Variants in SLC9A9 observed in about 807,000 individuals in gnomAD.
SLC9A9 encodes solute carrier family 9 member A9.
SLC9A9 carries 62 observed loss-of-function variants against 77.8 expected under a neutral mutation model. The ratio of observed to expected loss-of-function variants is 0.80; its 90% CI spans 0.65 to 0.98. The LOEUF is 0.98. Among genes scored for constraint, SLC9A9 ranks in the 50% least tolerant of loss-of-function variants. SLC9A9 has a pLI of 0.00. For synonymous variants in SLC9A9, 320 were observed against 283.5 expected (o/e 1.13, Z -1.29); for missense variants, 775 against 774.9 (o/e 1.00, Z 0.00).
At chr3:143,472,874 C>T (rs2035401793) in intron 11 of SLC9A9, among the ~76,000 whole-genome samples, 1 of 152,204 alleles carries the variant, frequency 6.6e-6, no homozygotes. Flanking sequence ...TCCTTTAAAA[C>T]CTTATTTTGA....
chr3:143,325,465 T>C (rs2031564288), intron 14 of SLC9A9, among the ~76,000 whole-genome samples: 1 of 152,240 alleles, frequency 6.6e-6, no homozygotes, highest in African/African-American at 2.4e-5. Flanking sequence ...GACTGGGTTT[T>C]ATTTTGGTAG....
At chr3:143,415,398 C>CT (rs1559906059) in intron 12 of SLC9A9, among the ~76,000 whole-genome samples, 2 of 152,176 alleles carry the variant, frequency 1.3e-5, no homozygotes, top group African/African-American at 4.8e-5. Flanking sequence ...GGCTGATTCT[C>CT]TTGTGAGGGG....
At chr3:143,526,177 A>C (rs956882270) in intron 9 of SLC9A9, among the ~76,000 whole-genome samples, 65 of 152,174 alleles carry the variant, frequency 4.3e-4, no homozygotes. Flanking sequence ...AAACCCTCAA[A>C]CCACAGTCAC....
At chr3:143,730,041 A>T (rs1172695116) in intron 4 of SLC9A9, among the ~76,000 whole-genome samples, 1 of 152,204 alleles carries the variant, frequency 6.6e-6, no homozygotes, top group African/African-American at 2.4e-5. Context: ...TTGTTCTCCA[A>T]ACCATATCAC....
At chr3:143,410,423 C>T (rs1032536301) in intron 12 of SLC9A9, among the ~76,000 whole-genome samples, 1 of 152,164 alleles carries the variant, frequency 6.6e-6, no homozygotes, top group East Asian at 1.9e-4. Context: ...TCTCCATTCT[C>T]TCATATATTA....
intron 6 of SLC9A9, among the ~76,000 whole-genome samples, chr3:143,613,786 G>A (rs947773881): frequency 2.0e-5 from 3 of 150,194 alleles, no homozygotes; most frequent in Non-Finnish European, 4.4e-5. Context: ...ATACCACATT[G>A]CAATAATTAT....
intron 4 of SLC9A9, among the ~76,000 whole-genome samples, chr3:143,721,863 A>G (rs938874404): frequency 1.3e-5 from 2 of 152,320 alleles, no homozygotes; most frequent in East Asian, 1.9e-4. Flanking sequence ...TTGTAGTCCA[A>G]TGGACATCAG....
At chr3:143,579,302 T>C (rs1327743980) in intron 6 of SLC9A9, among the ~76,000 whole-genome samples, 4 of 152,164 alleles carry the variant, frequency 2.6e-5, no homozygotes. Flanking sequence ...ACCCTCATTT[T>C]CCCACCAAAA....
At chr3:143,438,817 C>T (rs76144980) in intron 12 of SLC9A9, among the ~76,000 whole-genome samples, 5,276 of 152,166 alleles carry the variant, frequency 0.035, 324 homozygotes, top group African/African-American at 0.12. Flanking sequence ...ACCTCAGCTG[C>T]CTATGCTGCC....
chr3:143,470,168 T>C (rs943647388), intron 11 of SLC9A9, among the ~76,000 whole-genome samples: 5 of 152,018 alleles, frequency 3.3e-5, no homozygotes, highest in African/African-American at 1.2e-4. Flanking sequence ...TAGTACAAGA[T>C]TGGAGATAGA....
intron 11 of SLC9A9, among the ~76,000 whole-genome samples, chr3:143,470,264 A>G (rs543223799): frequency 1.3e-5 from 2 of 152,160 alleles, no homozygotes; most frequent in East Asian, 3.9e-4. Flanking sequence ...GGATTACCTG[A>G]GGTCAGGAAT....
intron 9 of SLC9A9, among the ~76,000 whole-genome samples, chr3:143,522,921 C>T (rs1165637113): frequency 6.6e-6 from 1 of 152,124 alleles, no homozygotes; most frequent in Non-Finnish European, 1.5e-5. Context: ...ACAGGGTCTG[C>T]TAAGTATCTC....
intron 12 of SLC9A9, among the ~76,000 whole-genome samples, chr3:143,405,956 C>G (rs2033968066): frequency 6.6e-6 from 1 of 152,196 alleles, no homozygotes; most frequent in South Asian, 2.1e-4. Flanking sequence ...ATAATTTTCA[C>G]TGGTTTAAAT....
At chr3:143,431,211 T>C (rs1442694746) in intron 12 of SLC9A9, among the ~76,000 whole-genome samples, 1 of 152,142 alleles carries the variant, frequency 6.6e-6, no homozygotes, top group Non-Finnish European at 1.5e-5. Flanking sequence ...TTTCCTTCAA[T>C]TCACAAGTCA....
At chr3:143,717,734 C>T (rs1934391752) in intron 4 of SLC9A9, among the ~76,000 whole-genome samples, 1 of 152,174 alleles carries the variant, frequency 6.6e-6, no homozygotes, top group South Asian at 2.1e-4. Context: ...AACCAAGATG[C>T]ACCCCATTTG....
chr3:143,506,714 T>C lies in SLC9A9; in HGVS notation c.1090-11266A>G, dbSNP rs370296448. Among the ~76,000 whole-genome samples the C allele has an allele frequency of 2.2e-4, 34 of 152,244 alleles. No individual in the cohort carries two copies. The East Asian group carries it at 5.8e-3, about 26-fold the overall frequency. On this transcript the variant is annotated intron_variant, in intron 9 of 15. Coordinates refer to ENST00000316549, the MANE Select transcript of SLC9A9 (RefSeq NM_173653.4). ...CTTTTGGAGGACACTTATTTGAATGTAATGCTGGTTACATTCAAACAAGTG... is the reference window on the plus strand; with the variant it reads ...CTTTTGGAGGACACTTATTTGAATGCAATGCTGGTTACATTCAAACAAGTG...
At chr3:143,428,521 T>G (rs780705058) in intron 12 of SLC9A9, among the ~76,000 whole-genome samples, 2 of 152,190 alleles carry the variant, frequency 1.3e-5, no homozygotes, top group Non-Finnish European at 2.9e-5. Context: ...TGGAAAATAG[T>G]ATGAAGGTCT....
At chr3:143,818,383 T>G (rs2009075711) in intron 2 of SLC9A9, among the ~76,000 whole-genome samples, 1 of 152,156 alleles carries the variant, frequency 6.6e-6, no homozygotes, top group South Asian at 2.1e-4. Context: ...CTCAGCTCAC[T>G]GCAGCCTCCA....
chr3:143,359,237 C>T (rs1237659951), intron 14 of SLC9A9, among the ~76,000 whole-genome samples: 1 of 152,114 alleles, frequency 6.6e-6, no homozygotes, highest in Non-Finnish European at 1.5e-5. Context: ...TATTGAGTGT[C>T]CACTCCCTGC....
Sources: allele counts gnomAD v4.1 joint callset (sites outside exome capture counted in the v4.1 genomes callset), GRCh38; gene constraint gnomAD v4.1.1; transcripts MANE v1.5; gene names NCBI Gene and HGNC (gene_info 2026-07-23, HGNC 2026-07-21).